LRFN5: variants seen among roughly 807,000 people sequenced by gnomAD.
The protein encoded by LRFN5 is leucine-rich repeat and fibronectin type-III domain-containing protein 5.
In LRFN5, 24 loss-of-function variants were observed where a neutral mutation model predicts 45.6. The observed-to-expected ratio is 0.53, with a 90% CI of 0.38 to 0.74. The LOEUF (loss-of-function observed/expected upper bound fraction) is 0.74, where lower values mean the gene tolerates loss of function less well. Among genes scored for constraint, LRFN5 ranks in the 30% least tolerant of loss-of-function variants. The pLI, the probability that LRFN5 is intolerant of heterozygous loss-of-function variation, is 0.00. For synonymous variants in LRFN5, 340 were observed against 313.8 expected (o/e 1.08, Z -0.88); for missense variants, 776 against 861.5 (o/e 0.90, Z 1.24).
rs144467410 is a variant in LRFN5 at position 41,719,745 on chromosome 14, G to GTATA, written c.-196-47097_-196-47094dup. ...TGTGTATATATATGTATGTGTGTGT[G>GTATA]TATATATATATATATCTGAACTCAC... is the stretch of plus-strand genomic sequence containing the variant. On this transcript the variant is annotated intron_variant, in intron 1 of 5. Coordinates refer to ENST00000298119, the MANE Select transcript of LRFN5 (RefSeq NM_152447.5). Among the ~76,000 whole-genome samples, 26 of 149,176 alleles carry GTATA rather than the reference G, an allele frequency of 1.7e-4. 1 individual carries two copies. Among genetic ancestry groups the GTATA allele is most frequent in the African/African-American group, 5.6e-4 (23 of 40,848 alleles).
intron 2 of LRFN5, among the ~76,000 whole-genome samples, chr14:41,856,838 G>A (rs1889488940): frequency 6.8e-5 from 10 of 146,784 alleles, no homozygotes; most frequent in Admixed American, 2.0e-4. Context: ...CACTGCGCCC[G>A]GCTAATTTTT....
intron 2 of LRFN5, among the ~76,000 whole-genome samples, chr14:41,851,643 G>A (rs1889271504): frequency 6.6e-6 from 1 of 151,652 alleles, no homozygotes; most frequent in Admixed American, 6.6e-5. Flanking sequence ...TTCAAAACAA[G>A]GTTATTTAAT....
chr14:41,650,306 A>G (rs1285717099), intron 1 of LRFN5, among the ~76,000 whole-genome samples: 1 of 147,770 alleles, frequency 6.8e-6, no homozygotes, highest in Non-Finnish European at 1.5e-5. Flanking sequence ...TGAGAGATAG[A>G]GGTTTAATTT....
intron 2 of LRFN5, among the ~76,000 whole-genome samples, chr14:41,796,956 T>G (rs1482478428): frequency 9.1e-6 from 1 of 109,988 alleles, no homozygotes. Context: ...TTTGTATCCT[T>G]TACTTATTTT....
At chr14:41,627,728 T>C (rs1888383104) in intron 1 of LRFN5, among the ~76,000 whole-genome samples, 1 of 152,196 alleles carries the variant, frequency 6.6e-6, no homozygotes, top group Non-Finnish European at 1.5e-5. Context: ...TGGTATAATA[T>C]GAAGAGACAT....
At chr14:41,743,704 T>C (rs1884802246) in intron 1 of LRFN5, among the ~76,000 whole-genome samples, 1 of 152,158 alleles carries the variant, frequency 6.6e-6, no homozygotes, top group South Asian at 2.1e-4. Context: ...ACAAAAAATA[T>C]AAGTTGTTAA....
At chr14:41,781,604 G>GAA (rs1178290977) in intron 2 of LRFN5, among the ~76,000 whole-genome samples, 1 of 77,712 alleles carries the variant, frequency 1.3e-5, no homozygotes, top group African/African-American at 6.4e-5. Context: ...AAGAAAGAAA[G>GAA]AAAGAAAGAA....
At chr14:41,739,685 G>A (rs1309819117) in intron 1 of LRFN5, among the ~76,000 whole-genome samples, 3 of 150,708 alleles carry the variant, frequency 2.0e-5, no homozygotes, top group South Asian at 2.1e-4. Context: ...AAGCACAAAC[G>A]TAGTGGAAGG....
chr14:41,738,956 C>T (rs1470059876), intron 1 of LRFN5, among the ~76,000 whole-genome samples: 1 of 152,164 alleles, frequency 6.6e-6, no homozygotes, highest in Admixed American at 6.6e-5. Context: ...AATACATATT[C>T]TTCTCAAGTA....
chr14:41,871,996 A>G, intron 2 of LRFN5, among the ~76,000 whole-genome samples: 1 of 152,082 alleles, frequency 6.6e-6, no homozygotes, highest in East Asian at 1.9e-4. Flanking sequence ...TGGCTTTTTT[A>G]AAATAAGAAT....
At chr14:41,754,472 C>T (rs911394285) in intron 1 of LRFN5, among the ~76,000 whole-genome samples, 1 of 152,204 alleles carries the variant, frequency 6.6e-6, no homozygotes, top group Middle Eastern at 3.4e-3. Flanking sequence ...AGAGATTCAA[C>T]TTCTTCCTGG....
intron 1 of LRFN5, among the ~76,000 whole-genome samples, chr14:41,660,727 T>C (rs1348551153): frequency 6.6e-6 from 1 of 151,888 alleles, no homozygotes. Flanking sequence ...AAGTATTGGA[T>C]GTGACTTGGG....
chr14:41,714,576 G>A (rs1380791341), intron 1 of LRFN5, among the ~76,000 whole-genome samples: 1 of 152,076 alleles, frequency 6.6e-6, no homozygotes, highest in Non-Finnish European at 1.5e-5. Context: ...TCTGATGTGT[G>A]GAGAACATTG....
intron 1 of LRFN5, among the ~76,000 whole-genome samples, chr14:41,654,213 G>A (rs1325812825): frequency 1.3e-5 from 2 of 151,856 alleles, no homozygotes; most frequent in Non-Finnish European, 2.9e-5. Context: ...TAAAAAAAAA[G>A]AAAAGTAGAA....
chr14:41,639,490 A>G (rs1276255648), intron 1 of LRFN5, among the ~76,000 whole-genome samples: 1 of 152,128 alleles, frequency 6.6e-6, no homozygotes, highest in Non-Finnish European at 1.5e-5. Flanking sequence ...TATGTGTAAC[A>G]TTGAGAGTAT....
chr14:41,825,236 C>G (rs914279785), intron 2 of LRFN5, among the ~76,000 whole-genome samples: 1 of 152,176 alleles, frequency 6.6e-6, no homozygotes, highest in Non-Finnish European at 1.5e-5. Context: ...GAATGGCCAT[C>G]CACAGACGCT....
chr14:41,814,392 CA>C (rs1208806635), intron 2 of LRFN5, among the ~76,000 whole-genome samples: 1 of 152,032 alleles, frequency 6.6e-6, no homozygotes, highest in Non-Finnish European at 1.5e-5. Context: ...ACTAATTGAA[CA>C]ATAGGTTTAA....
chr14:41,755,555 A>G (rs1258527618), intron 1 of LRFN5, among the ~76,000 whole-genome samples: 2 of 152,058 alleles, frequency 1.3e-5, no homozygotes, highest in African/African-American at 4.8e-5. Flanking sequence ...TTGTTGGTTT[A>G]AAGTCTGTTT....
intron 1 of LRFN5, among the ~76,000 whole-genome samples, chr14:41,664,988 G>A (rs1457661893): frequency 6.6e-6 from 1 of 152,050 alleles, no homozygotes; most frequent in Non-Finnish European, 1.5e-5. Context: ...TAATTTGTCA[G>A]TAAACCATTT....
Sources: allele counts gnomAD v4.1 joint callset (sites outside exome capture counted in the v4.1 genomes callset), GRCh38; gene constraint gnomAD v4.1.1; transcripts MANE v1.5; gene names NCBI Gene and HGNC (gene_info 2026-07-23, HGNC 2026-07-21).